NRCAM: variants seen among roughly 807,000 people sequenced by gnomAD.
NRCAM encodes neuronal cell adhesion molecule.
In NRCAM, 83 loss-of-function variants were observed where a neutral mutation model predicts 156.5. The ratio of observed to expected loss-of-function variants is 0.53; its 90% CI spans 0.44 to 0.64. NRCAM has a LOEUF of 0.64. Among genes scored for constraint, NRCAM ranks in the 30% least tolerant of loss-of-function variants. The pLI is 0.00. For synonymous variants in NRCAM, 538 were observed against 563.9 expected (o/e 0.95, Z 0.65); for missense variants, 1,417 against 1,597.3 (o/e 0.89, Z 1.92).
chr7:108,191,166 G>A, intron 19 of NRCAM, 88 bp downstream of exon 19: 2 of 1,077,642 alleles, frequency 1.9e-6, no homozygotes, highest in Non-Finnish European at 2.7e-6. Flanking sequence ...ACACAATTAT[G>A]TGACATAGAA....
chr7:108,152,679 T>C (rs1159862481), intron 32 of NRCAM, among the ~76,000 whole-genome samples: 2 of 152,138 alleles, frequency 1.3e-5, no homozygotes, highest in African/African-American at 2.4e-5. Context: ...TATCACATAA[T>C]GTCTATGGCT....
At chr7:108,427,376 G>C (rs79992314) in intron 1 of NRCAM, among the ~76,000 whole-genome samples, 4,946 of 152,278 alleles carry the variant, frequency 0.032, 238 homozygotes, top group African/African-American at 0.11. Context: ...GTTAAAGTAA[G>C]TTACTTTACA....
chr7:108,268,636 T>TGGGA (rs2097206776), intron 3 of NRCAM, among the ~76,000 whole-genome samples: 7 of 8,490 alleles, frequency 8.2e-4, no homozygotes, highest in Non-Finnish European at 1.6e-3. Flanking sequence ...GGGGGGGGGT[T>TGGGA]GGGGGGGGCG....
chr7:108,339,882 TAAGA>T (rs1001997194), intron 2 of NRCAM, among the ~76,000 whole-genome samples: 2 of 152,104 alleles, frequency 1.3e-5, no homozygotes, highest in African/African-American at 2.4e-5. Flanking sequence ...CCTCAGACTC[TAAGA>T]AAGAAACGAC....
intron 32 of NRCAM, among the ~76,000 whole-genome samples, chr7:108,156,895 C>A (rs1268753596): frequency 1.3e-5 from 2 of 152,068 alleles, no homozygotes; most frequent in Non-Finnish European, 2.9e-5. Flanking sequence ...GAACTGTTTT[C>A]ATTAATTACA....
At chr7:108,234,524 A>C in intron 6 of NRCAM, 59 bp downstream of exon 6, 1 of 1,046,242 alleles carries the variant, frequency 9.6e-7, no homozygotes, top group Non-Finnish European at 1.5e-6. Context: ...ATATTTCTCT[A>C]TTCAGAGAGA....
chr7:108,251,877 T>C (rs1233661740), intron 3 of NRCAM, among the ~76,000 whole-genome samples: 2 of 152,106 alleles, frequency 1.3e-5, no homozygotes, highest in Non-Finnish European at 2.9e-5. Context: ...TTCAAAAGCC[T>C]GGCAGAAGTG....
chr7:108,347,530 T>C (rs2099367325), intron 2 of NRCAM, among the ~76,000 whole-genome samples: 1 of 152,086 alleles, frequency 6.6e-6, no homozygotes, highest in Non-Finnish European at 1.5e-5. Flanking sequence ...TAAAATAAAG[T>C]CCTGGATTCC....
chr7:108,208,184 TA>T (rs1261647101), intron 12 of NRCAM, among the ~76,000 whole-genome samples: 3 of 150,162 alleles, frequency 2.0e-5, no homozygotes, highest in African/African-American at 7.3e-5. Flanking sequence ...TGGGCACCTG[TA>T]ATCCCACCTA....
chr7:108,299,142 A>AAAGAAAGAAAG (rs1563164873), intron 3 of NRCAM, among the ~76,000 whole-genome samples: 2 of 78,638 alleles, frequency 2.5e-5, no homozygotes, highest in Non-Finnish European at 5.5e-5. Flanking sequence ...AAGAAAGAAA[A>AAAGAAAGAAAG]GAAAAGTAAA....
chr7:108,319,861 G>A (rs1006195197), intron 2 of NRCAM, among the ~76,000 whole-genome samples: 1 of 152,194 alleles, frequency 6.6e-6, no homozygotes, highest in African/African-American at 2.4e-5. Flanking sequence ...ACAGAGGCCT[G>A]GCCACTTGGA....
At chr7:108,424,506 G>A (rs941448226) in intron 1 of NRCAM, among the ~76,000 whole-genome samples, 4 of 152,222 alleles carry the variant, frequency 2.6e-5, no homozygotes, top group Admixed American at 1.3e-4. Flanking sequence ...TGTGGAAGCA[G>A]AAAGGGGCAC....
chr7:108,366,196 C>T (rs1332268241), intron 2 of NRCAM, among the ~76,000 whole-genome samples: 1 of 152,194 alleles, frequency 6.6e-6, no homozygotes, highest in Non-Finnish European at 1.5e-5. Context: ...AAATAAATTT[C>T]TGTTCTTTAT....
chr7:108,423,375 A>ATC (rs969663467), intron 1 of NRCAM, among the ~76,000 whole-genome samples: 5 of 152,078 alleles, frequency 3.3e-5, no homozygotes, highest in Admixed American at 2.6e-4. Context: ...TTCAGCAAGG[A>ATC]TCTCTTAACA....
At chr7:108,412,738 C>T (rs1388689814) in intron 1 of NRCAM, among the ~76,000 whole-genome samples, 1 of 152,140 alleles carries the variant, frequency 6.6e-6, no homozygotes, top group African/African-American at 2.4e-5. Context: ...CACCATTCTA[C>T]TCTCTACTTC....
At chr7:108,199,836 A>G (rs73725383) in intron 13 of NRCAM, among the ~76,000 whole-genome samples, 1 of 152,146 alleles carries the variant, frequency 6.6e-6, no homozygotes, top group East Asian at 1.9e-4. Flanking sequence ...GGATGTAGAC[A>G]TCATGGCGGG....
intron 1 of NRCAM, among the ~76,000 whole-genome samples, chr7:108,446,023 T>A (rs1469004337): frequency 6.6e-6 from 1 of 152,146 alleles, no homozygotes; most frequent in African/African-American, 2.4e-5. Flanking sequence ...AGAAAGTGCT[T>A]AACTCAGTCA....
At chr7:108,382,999 C>T (rs2099708373) in intron 2 of NRCAM, among the ~76,000 whole-genome samples, 1 of 152,114 alleles carries the variant, frequency 6.6e-6, no homozygotes, top group Non-Finnish European at 1.5e-5. Flanking sequence ...TTATACTTGC[C>T]TCACAGTGCT....
rs535643876 is a variant in NRCAM, at chr7:108,246,437, G to C, written c.-106-6267C>G. ...ATAGAGAGGGTGAATGTGAGACAGAGAGAGAGTGAGTCAGCGGTTTGGAGC... is the reference window on the plus strand; with the variant it reads ...ATAGAGAGGGTGAATGTGAGACAGACAGAGAGTGAGTCAGCGGTTTGGAGC... On this transcript the variant is annotated intron_variant, in intron 3 of 32. Transcript: ENST00000379028. Among the ~76,000 whole-genome samples the C allele has an allele frequency of 2.6e-5, 4 of 152,304 alleles. No individual in the cohort carries two copies. The East Asian group carries it at 7.7e-4, about 29-fold the overall frequency.
Sources: allele counts gnomAD v4.1 joint callset (sites outside exome capture counted in the v4.1 genomes callset), GRCh38; gene constraint gnomAD v4.1.1; transcripts MANE v1.5; gene names NCBI Gene and HGNC (gene_info 2026-07-23, HGNC 2026-07-21).